GPATCH2: variants seen among roughly 807,000 people sequenced by gnomAD.
The protein encoded by GPATCH2 is G-patch domain containing 2.
A neutral mutation model predicts 58.0 loss-of-function variants in GPATCH2; 51 were observed. That is an observed-to-expected ratio of 0.88 (90% CI 0.70 to 1.11). The LOEUF is 1.11. Ranked by LOEUF, GPATCH2 falls within the 50% of genes most tolerant of loss-of-function variation. The pLI is 0.00. For synonymous variants in GPATCH2, 222 were observed against 218.5 expected, an observed-to-expected ratio of 1.02 and a Z score of -0.14; for missense variants, 625 against 652.2, an observed-to-expected ratio of 0.96 and a Z score of 0.45.
chr1:217,434,379 A>AT (rs1658711944), intron 9 of GPATCH2, among the ~76,000 whole-genome samples: 2 of 152,192 alleles, frequency 1.3e-5, no homozygotes, highest in Admixed American at 6.5e-5. Context: ...AAAGCAGTTA[A>AT]TTTTTTATTT....
At chr1:217,527,926 A>G (rs1002064069) in intron 5 of GPATCH2, among the ~76,000 whole-genome samples, 6 of 152,156 alleles carry the variant, frequency 3.9e-5, no homozygotes, top group Admixed American at 3.9e-4. Flanking sequence ...ACAACTACTA[A>G]ACTGTGTTCA....
At chr1:217,601,084 A>G (rs1398401901) in intron 5 of GPATCH2, among the ~76,000 whole-genome samples, 1 of 152,160 alleles carries the variant, frequency 6.6e-6, no homozygotes. Context: ...ATTTTTAAAA[A>G]GCTAATAAAA....
intron 2 of GPATCH2, among the ~76,000 whole-genome samples, chr1:217,615,760 A>C (rs1411396818): frequency 6.6e-6 from 1 of 152,172 alleles, no homozygotes; most frequent in African/African-American, 2.4e-5. Context: ...CAATTAAATG[A>C]ATGAATATCC....
At chr1:217,625,700 C>G (rs1437902366) in intron 1 of GPATCH2, among the ~76,000 whole-genome samples, 1 of 152,114 alleles carries the variant, frequency 6.6e-6, no homozygotes, top group Non-Finnish European at 1.5e-5. Flanking sequence ...AAAACAAAAA[C>G]TGGCCGGAAG....
intron 5 of GPATCH2, among the ~76,000 whole-genome samples, chr1:217,554,046 A>G (rs1463337922): frequency 2.6e-5 from 4 of 152,172 alleles, no homozygotes; most frequent in Admixed American, 2.0e-4. Context: ...CAAACAACTC[A>G]TCCTTCTTCG....
Position 217,610,762 on chromosome 1 carries a change from AAT to A in GPATCH2, c.1018+125_1018+126del, listed in dbSNP as rs1361877090. On this transcript the variant is annotated intron_variant, in intron 4 of 9. Coordinates refer to ENST00000366935, the MANE Select transcript of GPATCH2 (RefSeq NM_018040.5). ...AAATGTAGTAGCTATATTAGTGGCC[AAT>A]ATGTTTCTTTACAGCATCTTGTGTT... 99 of 636,926 alleles carry A rather than the reference AAT, an allele frequency of 1.6e-4. No individual in the cohort carries two copies. In the Middle Eastern group the frequency reaches 2.1e-3, roughly 14 times the overall value. The allele number at this position is 636,926 out of a possible 1,614,324, so 39.5% of individuals were successfully genotyped here.
At chr1:217,466,592 G>A (rs899490685) in intron 8 of GPATCH2, among the ~76,000 whole-genome samples, 1 of 151,940 alleles carries the variant, frequency 6.6e-6, no homozygotes, top group African/African-American at 2.4e-5. Flanking sequence ...TTATAGATAC[G>A]AACAAATGAA....
At position 217,623,601 on chromosome 1, in the gene GPATCH2, A is replaced by G. The variant is rs543925468; in HGVS notation, c.57-3102T>C. Among the ~76,000 whole-genome samples, 413 of 152,128 alleles carry G rather than the reference A, an allele frequency of 2.7e-3. 1 individual carries two copies. The highest frequency in any genetic ancestry group is 9.2e-3 in the African/African-American group (383 of 41,508). On this transcript the variant is annotated intron_variant, in intron 1 of 9. Coordinates refer to ENST00000366935, the MANE Select transcript of GPATCH2 (RefSeq NM_018040.5). ...GACTTTATGTTGCTTCTCTCAAGAG[A>G]AAATAAAACTTATTTTTAGGCTGGG...
At chr1:217,451,710 C>G (rs752398637) in intron 8 of GPATCH2, among the ~76,000 whole-genome samples, 11 of 152,174 alleles carry the variant, frequency 7.2e-5, no homozygotes, top group Non-Finnish European at 1.3e-4. Flanking sequence ...ATATACCAGA[C>G]AGGCTCAGAT....
chr1:217,611,863 C>T (rs1274707471), intron 3 of GPATCH2, among the ~76,000 whole-genome samples: 1 of 152,040 alleles, frequency 6.6e-6, no homozygotes, highest in African/African-American at 2.4e-5. Context: ...GACAAAAACA[C>T]AGAAGACAGA....
At chr1:217,601,117 T>C (rs1668087435) in intron 5 of GPATCH2, among the ~76,000 whole-genome samples, 1 of 152,250 alleles carries the variant, frequency 6.6e-6, no homozygotes, top group Non-Finnish European at 1.5e-5. Flanking sequence ...CTGCATAATA[T>C]TTAAGTAGCC....
rs542006819 is a variant in GPATCH2 at position 217,438,601 on chromosome 1, C to T, written c.1367-7236G>A. Among the ~76,000 whole-genome samples, 508 of 151,610 alleles carry T rather than the reference C, an allele frequency of 3.4e-3. 3 individuals carry two copies. Among genetic ancestry groups the T allele is most frequent in the African/African-American group, 0.011 (467 of 41,310 alleles). On this transcript the variant is annotated intron_variant, in intron 9 of 9. Coordinates refer to ENST00000366935, the MANE Select transcript of GPATCH2 (RefSeq NM_018040.5). ...AGTATCAATAGCTAAATTGATCAAG[C>T]GGAAGAAAATATATCAGAGATTGAA...
At position 217,561,871 on chromosome 1, in the gene GPATCH2, C is replaced by A. The variant is rs1243721563; in HGVS notation, c.1099-46982G>T. Among the ~76,000 whole-genome samples, 7 of 152,322 alleles carry A rather than the reference C, an allele frequency of 4.6e-5. 1 individual carries two copies. In the South Asian group the frequency reaches 1.5e-3, roughly 32 times the overall value. On this transcript the variant is annotated intron_variant, in intron 5 of 9. Coordinates refer to ENST00000366935, the MANE Select transcript of GPATCH2 (RefSeq NM_018040.5). ...CTGAACGGACCCAAAGGATCTCTAA[C>A]AGGCAATGGCAAGCCCTTAAGGATA...
At chr1:217,596,896 G>A (rs531017505) in intron 5 of GPATCH2, among the ~76,000 whole-genome samples, 2 of 152,190 alleles carry the variant, frequency 1.3e-5, no homozygotes, top group African/African-American at 4.8e-5. Flanking sequence ...AAGAACACTA[G>A]CTAGGACTTC....
At chr1:217,579,152 G>A (rs998892751) in intron 5 of GPATCH2, among the ~76,000 whole-genome samples, 1 of 152,052 alleles carries the variant, frequency 6.6e-6, no homozygotes, top group South Asian at 2.1e-4. Flanking sequence ...ACACAAAAAG[G>A]ATGCAAAGAA....
At chr1:217,612,478 T>C (rs1335074973) in intron 3 of GPATCH2, among the ~76,000 whole-genome samples, 1 of 152,122 alleles carries the variant, frequency 6.6e-6, no homozygotes, top group Non-Finnish European at 1.5e-5. Context: ...AATGGAAAAT[T>C]AAAGGCATTT....
chr1:217,617,094 T>C (rs544008053), intron 2 of GPATCH2, among the ~76,000 whole-genome samples: 30 of 152,330 alleles, frequency 2.0e-4, no homozygotes, highest in Admixed American at 5.9e-4. Context: ...GTTTCTTCAC[T>C]GTTAAAAATT....
chr1:217,471,954 T>C (rs1023350809), intron 8 of GPATCH2, among the ~76,000 whole-genome samples: 1 of 152,198 alleles, frequency 6.6e-6, no homozygotes, highest in African/African-American at 2.4e-5. Flanking sequence ...TACAATTTAA[T>C]AATGTCAGCA....
intron 9 of GPATCH2, among the ~76,000 whole-genome samples, chr1:217,436,831 G>T (rs1658857355): frequency 6.6e-6 from 1 of 152,116 alleles, no homozygotes; most frequent in Non-Finnish European, 1.5e-5. Context: ...ACCCCAGTTA[G>T]AACTTGAACT....
Sources: gnomAD v4.1 joint callset for allele counts (sites outside exome capture counted in the v4.1 genomes callset) on GRCh38, gnomAD v4.1.1 for gene constraint, MANE v1.5 for transcripts, NCBI Gene and HGNC (gene_info 2026-07-23, HGNC 2026-07-21) for gene names.